The following SMAD3 variants were observed in gnomAD, a reference collection of about 807,000 sequenced individuals.
SMAD3 encodes SMAD family member 3.
In SMAD3, 12 loss-of-function variants were observed where a neutral mutation model predicts 51.8. That is an observed-to-expected ratio of 0.23 (90% confidence interval 0.15 to 0.38). The LOEUF (loss-of-function observed/expected upper bound fraction) is 0.38, where lower values mean the gene tolerates loss of function less well. Among genes scored for constraint, SMAD3 ranks in the 10% least tolerant of loss-of-function variants. The pLI, the probability that SMAD3 is intolerant of heterozygous loss-of-function variation, is 1.00. For missense variants in SMAD3, 294 were observed against 565.6 expected (o/e 0.52, Z 4.87); for synonymous variants, 238 against 227.7 (o/e 1.05, Z -0.41).
At chr15:67,148,622 T>C (rs913201866) in intron 1 of SMAD3, among the ~76,000 whole-genome samples, 2 of 152,190 alleles carry the variant, frequency 1.3e-5, no homozygotes, top group East Asian at 3.8e-4. Context: ...TGTTTTTAAT[T>C]GCACCTCTCA....
In SMAD3 at chr15:67,189,548, C is replaced by T. The variant is rs534378421; in HGVS notation, c.1155-865C>T. Among the ~76,000 whole-genome samples the T allele has an allele frequency of 1.3e-3, 191 of 152,350 alleles. 1 individual carries two copies. Among genetic ancestry groups the T allele is most frequent in the African/African-American group, 4.5e-3 (186 of 41,592 alleles). ...CAGCACTGCACAGCAGCCTGACGGG[C>T]GGGCGCGGCCCCTTCCCAGAACAGC... On this transcript the variant is annotated intron_variant, in intron 8 of 8. Transcript: ENST00000327367.
At chr15:67,161,227 T>A (rs1420698818) in intron 1 of SMAD3, among the ~76,000 whole-genome samples, 1 of 152,236 alleles carries the variant, frequency 6.6e-6, no homozygotes, top group African/African-American at 2.4e-5. Flanking sequence ...TTGAAGCCAG[T>A]CGTCCATATA....
chr15:67,183,022 TA>T (rs1567000772), intron 6 of SMAD3, among the ~76,000 whole-genome samples: 5 of 76,990 alleles, frequency 6.5e-5, no homozygotes, highest in East Asian at 3.6e-4. Flanking sequence ...TATATATATA[TA>T]TATATATATT....
intron 1 of SMAD3, among the ~76,000 whole-genome samples, chr15:67,141,096 G>A (rs993600556): frequency 6.6e-6 from 1 of 152,180 alleles, no homozygotes; most frequent in African/African-American, 2.4e-5. Flanking sequence ...AGCCCAGACC[G>A]ATCAATTGAT....
At chr15:67,107,417 G>A (rs917977223) in intron 1 of SMAD3, among the ~76,000 whole-genome samples, 3 of 152,150 alleles carry the variant, frequency 2.0e-5, no homozygotes, top group Admixed American at 6.5e-5. Context: ...AGATTTCTCA[G>A]CTCTGCTTTC....
At chr15:67,123,131 G>T (rs531497213) in intron 1 of SMAD3, among the ~76,000 whole-genome samples, 3 of 143,280 alleles carry the variant, frequency 2.1e-5, no homozygotes, top group African/African-American at 7.8e-5. Context: ...AGGAGTTAAA[G>T]TCTGCAGTGA....
At chr15:67,074,064 A>C (rs1012321063) in intron 1 of SMAD3, among the ~76,000 whole-genome samples, 1 of 152,268 alleles carries the variant, frequency 6.6e-6, no homozygotes, top group South Asian at 2.1e-4. Flanking sequence ...CCAAGACTCT[A>C]TCAGCCTGGT....
intron 1 of SMAD3, among the ~76,000 whole-genome samples, chr15:67,094,322 T>C (rs887795684): frequency 6.6e-6 from 1 of 152,244 alleles, no homozygotes; most frequent in African/African-American, 2.4e-5. Flanking sequence ...TTCATCCTGC[T>C]TTTGGGTGAA....
At chr15:67,099,761 C>G (rs1960707325) in intron 1 of SMAD3, among the ~76,000 whole-genome samples, 2 of 152,190 alleles carry the variant, frequency 1.3e-5, no homozygotes, top group South Asian at 4.1e-4. Context: ...ACCACGTGCC[C>G]CATACCTTAC....
intron 1 of SMAD3, among the ~76,000 whole-genome samples, chr15:67,123,400 A>G (rs751294794): frequency 3.3e-5 from 5 of 152,152 alleles, no homozygotes; most frequent in Non-Finnish European, 7.4e-5. Context: ...TCGGGAGGCT[A>G]AGGCAGGAGA....
In SMAD3 at chr15:67,193,291, T is replaced by C. The variant is rs1396020248; in HGVS notation, c.*2755T>C. The C allele has an allele frequency of 2.6e-5, 6 of 233,390 alleles. No individual in the cohort carries two copies. The highest frequency in any genetic ancestry group is 6.0e-5 in the East Asian group (1 of 16,738). 14.5% of individuals were successfully genotyped at this position (233,390 alleles called of 1,614,324 possible). Reference sequence around the variant, plus strand: ...CACCTAGTCAACACGACCGCGTGTGTTGCCCCTGCCCTGGGCTCCCCGCCA... The same window carrying C: ...CACCTAGTCAACACGACCGCGTGTGCTGCCCCTGCCCTGGGCTCCCCGCCA... On this transcript the variant is annotated 3_prime_UTR_variant, in exon 9 of 9. Coordinates refer to ENST00000327367, the MANE Select transcript of SMAD3 (RefSeq NM_005902.4).
intron 1 of SMAD3, among the ~76,000 whole-genome samples, chr15:67,143,778 T>C (rs1961897944): frequency 6.6e-6 from 1 of 152,122 alleles, no homozygotes; most frequent in Admixed American, 6.6e-5. Context: ...AGTCTCGCAC[T>C]GTCGCCTGGG....
At chr15:67,111,080 A>G (rs1566971653) in intron 1 of SMAD3, among the ~76,000 whole-genome samples, 1 of 152,242 alleles carries the variant, frequency 6.6e-6, no homozygotes, top group Non-Finnish European at 1.5e-5. Context: ...TTGTACAACC[A>G]TCATCACTAT....
chr15:67,067,456 G>A (rs1048426944), intron 1 of SMAD3, among the ~76,000 whole-genome samples: 4 of 152,146 alleles, frequency 2.6e-5, no homozygotes, highest in African/African-American at 9.7e-5. Context: ...GTGTGTGTTG[G>A]GGGCTGGCTC....
At position 67,117,465 on chromosome 15, in the gene SMAD3, C is replaced by T. The variant is rs78217175; in HGVS notation, c.207-47430C>T. ...AAACCTGTGCCCCAAAGCAGGTCCC[C>T]CCAAGTTCCAGCCCAGTGCCACCCC... On this transcript the variant is annotated intron_variant, in intron 1 of 8. Coordinates refer to ENST00000327367, the MANE Select transcript of SMAD3 (RefSeq NM_005902.4). Among the ~76,000 whole-genome samples the T allele has an allele frequency of 9.6e-3, 1,456 of 152,190 alleles. 23 individuals are homozygous for T. The highest frequency in any genetic ancestry group is 0.033 in the African/African-American group (1,382 of 41,518).
chr15:67,089,236 C>T (rs920955473), intron 1 of SMAD3, among the ~76,000 whole-genome samples: 3 of 152,224 alleles, frequency 2.0e-5, no homozygotes, highest in Admixed American at 6.5e-5. Flanking sequence ...CCTCCATCTG[C>T]TCTGCCTGCC....
chr15:67,079,206 G>A (rs568197795), intron 1 of SMAD3, among the ~76,000 whole-genome samples: 2 of 152,154 alleles, frequency 1.3e-5, no homozygotes, highest in South Asian at 2.1e-4. Flanking sequence ...TCGAACTCCC[G>A]ACCTCAGGTG....
intron 1 of SMAD3, among the ~76,000 whole-genome samples, chr15:67,074,259 G>C (rs1960119674): frequency 1.3e-5 from 2 of 152,210 alleles, no homozygotes; most frequent in South Asian, 4.1e-4. Flanking sequence ...GAGATGCAGT[G>C]AACAGTTTTT....
intron 1 of SMAD3, among the ~76,000 whole-genome samples, chr15:67,091,343 T>C (rs1566965029): frequency 6.6e-6 from 1 of 152,214 alleles, no homozygotes; most frequent in Non-Finnish European, 1.5e-5. Flanking sequence ...AACAAATGGC[T>C]GAAGGCGGTT....
Sources: allele counts gnomAD v4.1 joint callset (sites outside exome capture counted in the v4.1 genomes callset), GRCh38; gene constraint gnomAD v4.1.1; transcripts MANE v1.5; gene names NCBI Gene and HGNC (gene_info 2026-07-23, HGNC 2026-07-21).